SORL1: variants seen among roughly 807,000 people sequenced by gnomAD.
The protein encoded by SORL1 is sortilin related receptor 1.
In SORL1, 127 loss-of-function variants were observed where a neutral mutation model predicts 273.7. That is an observed-to-expected ratio of 0.46 (90% CI 0.40 to 0.54). The LOEUF is 0.54. Ranked by LOEUF, SORL1 falls within the 20% of genes least tolerant of loss-of-function variation. The pLI is 0.00. For synonymous variants in SORL1, 1,031 were observed against 1,067.4 expected (o/e 0.97, Z 0.66); for missense variants, 2,494 against 2,846.1 (o/e 0.88, Z 2.81).
At position 121,516,060 on chromosome 11, in the gene SORL1, A is replaced by G. The variant is rs986955088; in HGVS notation, c.1211+1739A>G. On this transcript the variant is annotated intron_variant, in intron 8 of 47. Coordinates refer to ENST00000260197, the MANE Select transcript of SORL1 (RefSeq NM_003105.6). ...CTGTGAATTGCATTATATAATGAAA[A>G]GAATATAACACATAAATGGATAGTG... 2.0e-5 allele frequency among the ~76,000 whole-genome samples: 3 copies of G among 152,278 alleles called. No individual in the cohort carries two copies. In the South Asian group the frequency reaches 6.2e-4, roughly 32 times the overall value.
intron 16 of SORL1, among the ~76,000 whole-genome samples, chr11:121,551,258 T>C (rs941390901): frequency 1.3e-4 from 20 of 152,198 alleles, no homozygotes; most frequent in Non-Finnish European, 2.9e-5. Context: ...GTGACAAAGT[T>C]GAAATTCAGA....
At chr11:121,555,084 G>C (rs1862558060) in intron 17 of SORL1, 103 bp from the exon 18 acceptor site, 1 of 1,263,266 alleles carries the variant, frequency 7.9e-7, no homozygotes, top group Non-Finnish European at 1.1e-6. Context: ...CTCATCCCTT[G>C]CCAGTCCTGC....
chr11:121,493,101 C>T (rs1347964978), intron 5 of SORL1, among the ~76,000 whole-genome samples: 1 of 152,148 alleles, frequency 6.6e-6, no homozygotes, highest in Non-Finnish European at 1.5e-5. Flanking sequence ...ACCTCACCCT[C>T]TCAAGTAGCT....
At position 121,496,919 on chromosome 11, in the gene SORL1, A is replaced by T; in HGVS notation, c.809A>T (p.Glu270Val). The T allele has an allele frequency of 6.2e-7, 1 of 1,613,958 alleles. No individual in the cohort carries two copies. Among genetic ancestry groups the T allele is most frequent in the Non-Finnish European group, 8.5e-7 (1 of 1,179,928 alleles). Reference sequence around the variant, plus strand: ...AATACCATCTACATTGAACGACATGAACCCTCTGGCTACTCCACTGTCTTC... The same window carrying T: ...AATACCATCTACATTGAACGACATGTACCCTCTGGCTACTCCACTGTCTTC... ...KPNTIYIERHEPSGYSTVFRS... is the reference protein window; with the variant it reads ...KPNTIYIERHVPSGYSTVFRS... The change falls in exon 6 of 48, where the codon GAA becomes GTA. Residue 270 changes from glutamate (E) to valine (V), a missense_variant. Glu to Val is a moderately radical substitution (Grantham distance 121). Around this residue, in one of 3 missense-constraint regions of SORL1, gnomAD observed 710 missense variants for 882.5 expected, o/e 0.80. Coordinates refer to ENST00000260197, the MANE Select transcript of SORL1 (RefSeq NM_003105.6).
At chr11:121,491,678 A>G (rs930627432) in intron 5 of SORL1, among the ~76,000 whole-genome samples, 3 of 152,214 alleles carry the variant, frequency 2.0e-5, no homozygotes, top group Non-Finnish European at 4.4e-5. Flanking sequence ...CCTTCAGTAT[A>G]TATCTAGAAT....
chr11:121,553,293 G>A (rs1186058600), intron 16 of SORL1, among the ~76,000 whole-genome samples: 5 of 152,214 alleles, frequency 3.3e-5, no homozygotes, highest in Non-Finnish European at 5.9e-5. Context: ...TACCCGATAC[G>A]TAGTAAGCAC....
chr11:121,608,044 CTGTATGG>C, intron 37 of SORL1, 53 bp from the exon 38 acceptor site: 1 of 1,446,164 alleles, frequency 6.9e-7, no homozygotes, highest in South Asian at 1.2e-5. Context: ...AGTATTCTTA[CTGTATGG>C]TGTATGGTGT....
chr11:121,575,104 T>A (rs1396758416), intron 24 of SORL1, among the ~76,000 whole-genome samples: 2 of 152,228 alleles, frequency 1.3e-5, no homozygotes, highest in Non-Finnish European at 2.9e-5. Context: ...AGAGATTCTC[T>A]GGTCCAATCC....
intron 5 of SORL1, 25 bp downstream of exon 5, chr11:121,490,135 T>A (rs945782213): frequency 2.6e-6 from 4 of 1,537,872 alleles, no homozygotes; most frequent in Non-Finnish European, 3.6e-6. Context: ...CTAAGAAATC[T>A]TGATATATGT....
chr11:121,486,241 T>A (rs1938280266), intron 3 of SORL1, among the ~76,000 whole-genome samples: 1 of 152,318 alleles, frequency 6.6e-6, no homozygotes, highest in Middle Eastern at 3.4e-3. Context: ...CCTTCCTCAT[T>A]CTTCCAGGAG....
chr11:121,619,906 G>T lies in SORL1; in HGVS notation c.5878G>T (p.Asp1960Tyr). The change falls in exon 43 of 48, where the codon GAC (aspartate) becomes TAC (tyrosine). Residue 1960 changes from aspartate (D) to tyrosine (Y), a missense_variant. Around this residue, in one of 3 missense-constraint regions of SORL1, gnomAD observed 1,609 missense variants for 1,816.4 expected, o/e 0.89. Coordinates refer to ENST00000260197, the MANE Select transcript of SORL1 (RefSeq NM_003105.6). ...IKWESPYDSP[D>Y]QDLLYAVAVK... ...GTGGGAATCACCGTATGACTCTCCTGACCAGGACTTGGTGAGTGGGTTGGG... is the reference window on the plus strand; with the variant it reads ...GTGGGAATCACCGTATGACTCTCCTTACCAGGACTTGGTGAGTGGGTTGGG... 1 of 1,613,678 alleles carries T rather than the reference G, an allele frequency of 6.2e-7. No homozygotes were observed. The highest frequency in any genetic ancestry group is 1.1e-5 in the South Asian group (1 of 91,054).
chr11:121,473,699 A>G (rs1440314258), intron 2 of SORL1, among the ~76,000 whole-genome samples: 2 of 152,202 alleles, frequency 1.3e-5, no homozygotes, highest in African/African-American at 4.8e-5. Context: ...GTTCAAGACC[A>G]GCCCGGCCAA....
chr11:121,544,809 C>T (rs1292278584), intron 13 of SORL1, among the ~76,000 whole-genome samples: 1 of 152,176 alleles, frequency 6.6e-6, no homozygotes, highest in African/African-American at 2.4e-5. Context: ...GCCAGCGAGC[C>T]CTCCATTGCC....
intron 6 of SORL1, 61 bp downstream of exon 6, chr11:121,497,110 C>G: frequency 4.8e-6 from 7 of 1,449,572 alleles, no homozygotes; most frequent in Non-Finnish European, 5.7e-6. Flanking sequence ...GTTTGGCATT[C>G]TGTGATTAAA....
intron 35 of SORL1, among the ~76,000 whole-genome samples, chr11:121,606,034 C>T (rs1392182853): frequency 6.6e-6 from 1 of 152,160 alleles, no homozygotes; most frequent in East Asian, 1.9e-4. Flanking sequence ...GTGGTCCTCC[C>T]GCCTCAGCCT....
Position 121,507,047 on chromosome 11 carries a change from T to C in SORL1, c.940-5956T>C, listed in dbSNP as rs367620731. ...GAAATCTAATTTGGATTAATAACAATGTAACTTCAGTAGTGTACAAAATCT... is the reference window on the plus strand; with the variant it reads ...GAAATCTAATTTGGATTAATAACAACGTAACTTCAGTAGTGTACAAAATCT... On this transcript the variant is annotated intron_variant, in intron 6 of 47. Transcript: ENST00000260197. Among the ~76,000 whole-genome samples the C allele has an allele frequency of 5.9e-5, 9 of 152,362 alleles. No individual in the cohort carries two copies. The East Asian group carries it at 7.7e-4, about 13-fold the overall frequency.
intron 27 of SORL1, among the ~76,000 whole-genome samples, chr11:121,587,773 G>A (rs1257474616): frequency 6.6e-6 from 1 of 152,130 alleles, no homozygotes; most frequent in Non-Finnish European, 1.5e-5. Context: ...TAATGCTACT[G>A]CCCTTGTTTT....
chr11:121,478,054 AAAG>A, intron 2 of SORL1, 61 bp from the exon 3 acceptor site: 2 of 1,441,666 alleles, frequency 1.4e-6, no homozygotes, highest in Non-Finnish European at 9.3e-7. Context: ...AAAAAAAAAG[AAAG>A]ATCTTTCTGC....
At chr11:121,598,394 T>C (rs1863332654) in intron 32 of SORL1, among the ~76,000 whole-genome samples, 1 of 152,200 alleles carries the variant, frequency 6.6e-6, no homozygotes, top group Admixed American at 6.5e-5. Context: ...TGAAAGCTGA[T>C]GCTACCAGCT....
Sources: allele counts gnomAD v4.1 joint callset (sites outside exome capture counted in the v4.1 genomes callset), GRCh38; gene constraint gnomAD v4.1.1; regional missense constraint gnomAD v4.1.1; transcripts MANE v1.5; gene names NCBI Gene and HGNC (gene_info 2026-07-23, HGNC 2026-07-21).